The following OXR1 variants were observed in gnomAD, a reference collection of about 807,000 sequenced individuals.
OXR1 encodes the protein oxidation resistance protein 1.
A neutral mutation model predicts 104.6 loss-of-function variants in OXR1; 41 were observed. The observed-to-expected ratio is 0.39, with a 90% confidence interval of 0.31 to 0.51. OXR1 has a LOEUF of 0.51. OXR1 is among the 20% of genes least tolerant of loss of function. The probability of loss-of-function intolerance (pLI) is 0.77; values close to 1 mark genes in which losing one functional copy is unlikely to be tolerated. For synonymous variants in OXR1, 348 were observed against 348.4 expected (o/e 1.00, Z 0.01); for missense variants, 955 against 1,031.9 (o/e 0.93, Z 1.02).
intron 2 of OXR1, among the ~76,000 whole-genome samples, chr8:106,387,488 T>C (rs553684275): frequency 1.4e-3 from 212 of 152,276 alleles, no homozygotes; most frequent in African/African-American, 4.1e-3. Context: ...TCTTTTGAGA[T>C]TGTTGGGTGT....
Position 106,293,965 on chromosome 8 carries a change from A to ATT in OXR1, c.-139+23618_-139+23619dup, listed in dbSNP as rs61559960. Among the ~76,000 whole-genome samples the ATT allele has an allele frequency of 8.4e-3, 1,046 of 124,272 alleles. 10 individuals carry two copies. Among genetic ancestry groups the ATT allele is most frequent in the Middle Eastern group, 0.036 (8 of 220 alleles). The allele number at this position is 124,272 out of a possible 152,430, so 81.5% of individuals were successfully genotyped here. On this transcript the variant is annotated intron_variant, in intron 1 of 16. Transcript: ENST00000517566. ...TTCTAGATTTTCATATGACAGTTTA[A>ATT]TTTTTTTTTTTTTTTTTTTTTGGTA...
chr8:106,443,152 C>T (rs1045970020), intron 2 of OXR1, among the ~76,000 whole-genome samples: 3 of 151,998 alleles, frequency 2.0e-5, no homozygotes, highest in African/African-American at 7.2e-5. Flanking sequence ...GCCTTAATTT[C>T]GTTATTTACT....
intron 3 of OXR1, among the ~76,000 whole-genome samples, chr8:106,592,821 T>A (rs566170132): frequency 1.4e-4 from 21 of 152,266 alleles, no homozygotes; most frequent in African/African-American, 4.6e-4. Context: ...CAACCTGATT[T>A]ATGGTATAAG....
chr8:106,489,370 C>G (rs1476584032), intron 2 of OXR1, among the ~76,000 whole-genome samples: 2 of 152,130 alleles, frequency 1.3e-5, no homozygotes, highest in African/African-American at 2.4e-5. Context: ...GAGCACACCC[C>G]AGCAGTACCC....
At chr8:106,549,298 G>T (rs1330612740) in intron 3 of OXR1, among the ~76,000 whole-genome samples, 2 of 151,570 alleles carry the variant, frequency 1.3e-5, no homozygotes, top group Non-Finnish European at 2.9e-5. Context: ...TAAGCTCCAG[G>T]AAGGCAGGAT....
chr8:106,285,666 A>G (rs995671949), intron 1 of OXR1, among the ~76,000 whole-genome samples: 2 of 151,984 alleles, frequency 1.3e-5, no homozygotes, highest in Non-Finnish European at 2.9e-5. Flanking sequence ...GAAGTTGCAT[A>G]TTGATTCTGC....
intron 2 of OXR1, among the ~76,000 whole-genome samples, chr8:106,383,259 T>C (rs560936954): frequency 6.6e-6 from 1 of 152,314 alleles, no homozygotes; most frequent in African/African-American, 2.4e-5. Context: ...AAAGTTGTTT[T>C]TATATTTCTC....
chr8:106,697,467 T>A (rs1830156824), intron 7 of OXR1: 2 of 1,587,070 alleles, frequency 1.3e-6, no homozygotes, highest in Admixed American at 1.7e-5. Context: ...CATGCCTGCC[T>A]GAGATGCCCC....
At chr8:106,505,417 T>G (rs1336076906) in intron 2 of OXR1, among the ~76,000 whole-genome samples, 2 of 152,168 alleles carry the variant, frequency 1.3e-5, no homozygotes, top group Non-Finnish European at 2.9e-5. Flanking sequence ...CCTTTTGAAG[T>G]GACTTCTAAA....
At chr8:106,695,912 C>T (rs1465781857) in intron 7 of OXR1, among the ~76,000 whole-genome samples, 1 of 152,010 alleles carries the variant, frequency 6.6e-6, no homozygotes, top group Non-Finnish European at 1.5e-5. Flanking sequence ...CCCCCTTTCC[C>T]CAGTTTCCCT....
rs151096583 is a variant in OXR1 at position 106,729,761 on chromosome 8, G to A, written c.1957-7759G>A. 1.4e-4 allele frequency: 22 copies of A among 152,082 alleles called. No individual in the cohort carries two copies. The East Asian group carries it at 4.2e-3, about 29-fold the overall frequency. 9.4% of individuals were successfully genotyped at this position (152,082 alleles called of 1,614,324 possible). ...ATTTTTCATTTAAAGAAATTTAATA[G>A]CATAGGGGGCTTTCCAGTGAAATTT... On this transcript the variant is annotated intron_variant, in intron 11 of 16. Transcript: ENST00000517566.
intron 3 of OXR1, among the ~76,000 whole-genome samples, chr8:106,573,236 G>A (rs1278005572): frequency 6.6e-6 from 1 of 151,938 alleles, no homozygotes; most frequent in African/African-American, 2.4e-5. Flanking sequence ...AATTCATCAA[G>A]AACCACCCCA....
intron 3 of OXR1, among the ~76,000 whole-genome samples, chr8:106,583,495 C>G (rs970733217): frequency 6.6e-6 from 1 of 152,048 alleles, no homozygotes; most frequent in Non-Finnish European, 1.5e-5. Flanking sequence ...TAAAAGATGG[C>G]GGATTAAATG....
At chr8:106,408,202 G>A (rs915371950) in intron 2 of OXR1, among the ~76,000 whole-genome samples, 3 of 152,126 alleles carry the variant, frequency 2.0e-5, no homozygotes, top group Non-Finnish European at 4.4e-5. Context: ...CCAAAGCCAA[G>A]AATGGTTCTT....
chr8:106,634,361 A>C (rs932368746), intron 3 of OXR1, among the ~76,000 whole-genome samples: 3 of 152,206 alleles, frequency 2.0e-5, no homozygotes, highest in Admixed American at 2.0e-4. Context: ...CCAGCAACTA[A>C]AATATTTTAG....
chr8:106,338,308 G>T (rs529211094), intron 1 of OXR1, among the ~76,000 whole-genome samples: 2 of 152,216 alleles, frequency 1.3e-5, no homozygotes, highest in South Asian at 2.1e-4. Flanking sequence ...GGGCGTGGTG[G>T]CTTATACCTG....
At chr8:106,620,740 G>A (rs1032968746) in intron 3 of OXR1, among the ~76,000 whole-genome samples, 4 of 152,132 alleles carry the variant, frequency 2.6e-5, no homozygotes, top group African/African-American at 9.7e-5. Flanking sequence ...TATTCCCAGA[G>A]CTTCAAATTA....
chr8:106,386,678 T>A (rs1444304174), intron 2 of OXR1, among the ~76,000 whole-genome samples: 2 of 152,136 alleles, frequency 1.3e-5, no homozygotes, highest in Admixed American at 6.6e-5. Flanking sequence ...GCACTGGACC[T>A]TGAAGGTGGA....
chr8:106,748,105 G>A (rs1391854735), intron 16 of OXR1, among the ~76,000 whole-genome samples: 6 of 152,200 alleles, frequency 3.9e-5, no homozygotes, highest in Non-Finnish European at 7.3e-5. Flanking sequence ...TAGAGTTAGA[G>A]TCTCTAGAAG....
Sources: allele counts gnomAD v4.1 joint callset (sites outside exome capture counted in the v4.1 genomes callset), GRCh38; gene constraint gnomAD v4.1.1; transcripts MANE v1.5; gene names NCBI Gene and HGNC (gene_info 2026-07-23, HGNC 2026-07-21).